Variants in FXYD6 observed in about 807,000 individuals in gnomAD.
FXYD6 encodes the protein FXYD domain containing ion transport regulator 6, also known as FXYD domain-containing ion transport regulator 6.
Under a neutral mutation model 16.7 loss-of-function variants are expected in FXYD6, and 7 were observed. The ratio of observed to expected loss-of-function variants is 0.42; its 90% confidence interval spans 0.24 to 0.79. The LOEUF (loss-of-function observed/expected upper bound fraction) is 0.79, where lower values mean the gene tolerates loss of function less well. Ranked by LOEUF, FXYD6 falls within the 30% of genes least tolerant of loss-of-function variation. The pLI, the probability that FXYD6 is intolerant of heterozygous loss-of-function variation, is 0.28. For synonymous variants in FXYD6, 49 were observed against 43.0 expected (o/e 1.14, Z -0.54); for missense variants, 111 against 116.2 (o/e 0.95, Z 0.21).
chr11:117,863,062 T>C (rs2056943462), intron 1 of FXYD6, among the ~76,000 whole-genome samples: 1 of 152,142 alleles, frequency 6.6e-6, no homozygotes, highest in South Asian at 2.1e-4. Context: ...CACAACTCCA[T>C]GGGATGTTGG....
intron 1 of FXYD6, among the ~76,000 whole-genome samples, chr11:117,849,165 T>C (rs191092013): frequency 6.6e-6 from 1 of 152,346 alleles, no homozygotes; most frequent in African/African-American, 2.4e-5. Flanking sequence ...ACTTCAAAGC[T>C]TCTGTAAGGG....
At chr11:117,861,033 G>A (rs541069812) in intron 1 of FXYD6, among the ~76,000 whole-genome samples, 1 of 152,302 alleles carries the variant, frequency 6.6e-6, no homozygotes, top group Admixed American at 6.5e-5. Context: ...CTGCCACTCA[G>A]TGGCTCTGTG....
chr11:117,871,983 G>A (rs1039123005), intron 1 of FXYD6, among the ~76,000 whole-genome samples: 1 of 152,224 alleles, frequency 6.6e-6, no homozygotes, highest in Non-Finnish European at 1.5e-5. Flanking sequence ...TGCCTGCAGA[G>A]GTGGCTGCAG....
chr11:117,838,071 C>T lies in FXYD6; in HGVS notation c.*228G>A, dbSNP rs1468860463. 56 of 671,666 alleles carry T rather than the reference C, an allele frequency of 8.3e-5. No homozygotes were observed. The highest frequency in any genetic ancestry group is 7.5e-4 in the Middle Eastern group (2 of 2,674). 41.6% of individuals were successfully genotyped at this position (671,666 alleles called of 1,614,324 possible). ...CACACACACACACACACACACATCACGGGAGGTGGGCAGGACCGCAGGCTG... is the reference window on the plus strand; with the variant it reads ...CACACACACACACACACACACATCATGGGAGGTGGGCAGGACCGCAGGCTG... On this transcript the variant is annotated 3_prime_UTR_variant, in exon 8 of 8. Transcript: ENST00000526014.
chr11:117,842,197 G>T (rs2056363471), intron 2 of FXYD6, 169 bp from the exon 3 acceptor site: 6 of 973,566 alleles, frequency 6.2e-6, no homozygotes, highest in Non-Finnish European at 9.0e-6. Context: ...CCAGTTAGGG[G>T]GTTAGGGGAA....
At chr11:117,856,782 G>T (rs1405163272) in intron 1 of FXYD6, among the ~76,000 whole-genome samples, 1 of 152,220 alleles carries the variant, frequency 6.6e-6, no homozygotes, top group East Asian at 1.9e-4. Flanking sequence ...CATCACAGTT[G>T]GTTACAGTGA....
At chr11:117,871,944 C>A (rs187992221) in intron 1 of FXYD6, among the ~76,000 whole-genome samples, 4 of 152,188 alleles carry the variant, frequency 2.6e-5, no homozygotes, top group African/African-American at 9.7e-5. Flanking sequence ...TGAGACAGTA[C>A]CAGGCTTCGG....
chr11:117,868,426 T>C (rs1318666881), intron 1 of FXYD6, among the ~76,000 whole-genome samples: 1 of 152,160 alleles, frequency 6.6e-6, no homozygotes, highest in Non-Finnish European at 1.5e-5. Context: ...CACTCCAGTC[T>C]AATCATGAGG....
intron 7 of FXYD6, 194 bp from the exon 8 acceptor site, chr11:117,838,471 C>A (rs2056251458): frequency 3.3e-6 from 2 of 606,756 alleles, no homozygotes; most frequent in Non-Finnish European, 2.9e-6. Flanking sequence ...GGGCTGGAGC[C>A]TGGCAGACAT....
intron 1 of FXYD6, among the ~76,000 whole-genome samples, chr11:117,873,625 AAGGTGATTTG>A (rs1317513785): frequency 6.6e-6 from 1 of 152,104 alleles, no homozygotes; most frequent in East Asian, 1.9e-4. Flanking sequence ...GGGTGCTCAG[AAGGTGATTTG>A]TTCGAAGGTG....
intron 1 of FXYD6, among the ~76,000 whole-genome samples, chr11:117,873,274 T>G (rs1175332778): frequency 2.0e-5 from 3 of 152,160 alleles, no homozygotes; most frequent in Non-Finnish European, 4.4e-5. Flanking sequence ...TACTATTTGG[T>G]ACCTGGAGAG....
chr11:117,849,434 G>T (rs1046495400), intron 1 of FXYD6, among the ~76,000 whole-genome samples: 7 of 152,264 alleles, frequency 4.6e-5, no homozygotes, highest in South Asian at 2.1e-4. Flanking sequence ...GTTATTAAAA[G>T]AATTATATTT....
rs1467009779 is a variant in FXYD6 at position 117,870,172 on chromosome 11, C to T, written c.-6+6420G>A. On this transcript the variant is annotated intron_variant, in intron 1 of 7. Coordinates refer to ENST00000526014, the MANE Select transcript of FXYD6 (RefSeq NM_022003.4). This position sits in a 1 kb window ranked among gnomAD's most constrained non-coding sequence, Gnocchi z 4.2. ...CCAACTCAGGCACAGGCCAATGCCG[C>T]GCCTTGCCCAGAGGGAGTCAGAGTG... Among the ~76,000 whole-genome samples the T allele has an allele frequency of 6.6e-6, 1 of 152,286 alleles. No homozygotes were observed. Among genetic ancestry groups the T allele is most frequent in the African/African-American group, 2.4e-5 (1 of 41,482 alleles).
intron 7 of FXYD6, chr11:117,839,559 C>T (rs2056287232): frequency 1.9e-6 from 1 of 523,424 alleles, no homozygotes; most frequent in African/African-American, 1.9e-5. Flanking sequence ...AGCCCCATTT[C>T]CTGGTGTTGG....
Position 117,870,173 on chromosome 11 carries a change from G to A in FXYD6, c.-6+6419C>T, listed in dbSNP as rs1377368189. 6.6e-6 allele frequency among the ~76,000 whole-genome samples: 1 copy of A among 152,266 alleles called. No individual in the cohort carries two copies. The highest frequency in any genetic ancestry group is 6.5e-5 in the Admixed American group (1 of 15,292). ...CAACTCAGGCACAGGCCAATGCCGC[G>A]CCTTGCCCAGAGGGAGTCAGAGTGG... is the stretch of plus-strand genomic sequence containing the variant. On this transcript the variant is annotated intron_variant, in intron 1 of 7. Coordinates refer to ENST00000526014, the MANE Select transcript of FXYD6 (RefSeq NM_022003.4). The surrounding 1 kb of genome is among the most constrained non-coding windows in gnomAD (Gnocchi z 4.2).
At position 117,862,330 on chromosome 11, in the gene FXYD6, GGGTGCCTCCACCATGCCCTA is replaced by G. The variant is rs1277826651; in HGVS notation, c.-6+14242_-6+14261del. 5.9e-5 allele frequency among the ~76,000 whole-genome samples: 9 copies of G among 152,146 alleles called. No homozygotes were observed. In the South Asian group the frequency reaches 1.0e-3, roughly 18 times the overall value. Reference sequence around the variant, plus strand: ...CTCCTTCTGAGGCCTCGGCTGCCCTGGGTGCCTCCACCATGCCCTAGGTGCCTCCACCATGCCCTGCGTGC... The same window carrying G: ...CTCCTTCTGAGGCCTCGGCTGCCCTGGGTGCCTCCACCATGCCCTGCGTGC... On this transcript the variant is annotated intron_variant, in intron 1 of 7. Coordinates refer to ENST00000526014, the MANE Select transcript of FXYD6 (RefSeq NM_022003.4).
At chr11:117,839,752 G>A (rs1342224110) in intron 7 of FXYD6, 29 bp downstream of exon 7, 5 of 1,614,020 alleles carry the variant, frequency 3.1e-6, no homozygotes, top group Middle Eastern at 1.6e-4. Flanking sequence ...GATGGCAACA[G>A]GGGCCAATCC....
At chr11:117,869,103 C>T (rs534126252) in intron 1 of FXYD6, 9 of 152,226 alleles carry the variant, frequency 5.9e-5, no homozygotes, top group Non-Finnish European at 1.3e-4. Flanking sequence ...AACAATTAAG[C>T]ATCAATTATT....
intron 1 of FXYD6, among the ~76,000 whole-genome samples, chr11:117,848,187 C>T (rs2056517865): frequency 6.6e-6 from 1 of 152,188 alleles, no homozygotes; most frequent in Non-Finnish European, 1.5e-5. Flanking sequence ...TGCACACTCA[C>T]ACACAGTCTT....
Sources: gnomAD v4.1 joint callset for allele counts (sites outside exome capture counted in the v4.1 genomes callset) on GRCh38, gnomAD v4.1.1 for gene constraint, Gnocchi (gnomAD v3.1) non-coding constraint, MANE v1.5 for transcripts, NCBI Gene and HGNC (gene_info 2026-07-23, HGNC 2026-07-21) for gene names.